Variants in B3GALT1 observed in about 807,000 individuals in gnomAD.
B3GALT1 encodes UDP-Gal:betaGlcNAc beta 1,3-galactosyltransferase, polypeptide 1.
B3GALT1 carries 10 observed loss-of-function variants against 23.2 expected under a neutral mutation model. The ratio of observed to expected loss-of-function variants is 0.43; its 90% CI spans 0.27 to 0.73. The LOEUF (loss-of-function observed/expected upper bound fraction) is 0.73. B3GALT1 is among the 30% of genes least tolerant of loss of function. B3GALT1 has a pLI of 0.21. For synonymous variants in B3GALT1, 156 were observed against 141.5 expected (o/e 1.10, Z -0.73); for missense variants, 299 against 405.4 (o/e 0.74, Z 2.25).
At chr2:167,854,094 T>C (rs192680129) in intron 4 of B3GALT1, among the ~76,000 whole-genome samples, 31 of 152,216 alleles carry the variant, frequency 2.0e-4, no homozygotes, top group African/African-American at 7.0e-4. Flanking sequence ...TGGTGGTTGA[T>C]ATTTCTCTTG....
intron 1 of B3GALT1, among the ~76,000 whole-genome samples, chr2:167,354,350 T>C (rs1286370813): frequency 1.8e-4 from 2 of 11,410 alleles, no homozygotes; most frequent in Admixed American, 3.2e-3. Flanking sequence ...AAATCTTCTT[T>C]TTTTTTTTTT....
chr2:167,804,119 A>G (rs1688697450), intron 3 of B3GALT1, among the ~76,000 whole-genome samples: 1 of 152,066 alleles, frequency 6.6e-6, no homozygotes, highest in South Asian at 2.1e-4. Context: ...ACTCCCAAGT[A>G]GCTGGGATTA....
intron 1 of B3GALT1, among the ~76,000 whole-genome samples, chr2:167,442,708 C>T (rs1435471808): frequency 6.8e-6 from 1 of 147,806 alleles, no homozygotes; most frequent in Non-Finnish European, 1.5e-5. Context: ...TGTCCTTCGC[C>T]CACTTTTTGA....
chr2:167,562,978 A>G (rs915295829), intron 2 of B3GALT1, among the ~76,000 whole-genome samples: 18 of 152,138 alleles, frequency 1.2e-4, no homozygotes, highest in Non-Finnish European at 2.4e-4. Context: ...AAGGTCACCG[A>G]TCAACAGGAT....
intron 2 of B3GALT1, among the ~76,000 whole-genome samples, chr2:167,502,893 G>A (rs1466604450): frequency 1.3e-5 from 2 of 152,006 alleles, no homozygotes; most frequent in Non-Finnish European, 2.9e-5. Flanking sequence ...ACAAAAATTA[G>A]CTGGGCATGG....
chr2:167,719,293 A>G (rs1311148461), intron 3 of B3GALT1, among the ~76,000 whole-genome samples: 1 of 152,188 alleles, frequency 6.6e-6, no homozygotes, highest in Non-Finnish European at 1.5e-5. Context: ...CTTTTAAATG[A>G]TATGTAAATA....
At chr2:167,494,196 T>A (rs2105344236) in intron 2 of B3GALT1, among the ~76,000 whole-genome samples, 1 of 152,218 alleles carries the variant, frequency 6.6e-6, no homozygotes, top group Non-Finnish European at 1.5e-5. Context: ...TTACAGCATT[T>A]TTAAAAAAGA....
intron 1 of B3GALT1, among the ~76,000 whole-genome samples, chr2:167,314,442 G>A (rs1393481816): frequency 6.6e-6 from 1 of 152,072 alleles, no homozygotes; most frequent in Non-Finnish European, 1.5e-5. Flanking sequence ...GCTCATATAT[G>A]TTTGCCAGCT....
Position 167,435,727 on chromosome 2 carries a change from G to A in B3GALT1, c.-510-54450G>A, listed in dbSNP as rs1333580128. Reference sequence around the variant, plus strand: ...TTAAATTTGTGTCTAATCTATCATCGTTAATTTTGAGTTTAGTTTCATTGT... The same window carrying A: ...TTAAATTTGTGTCTAATCTATCATCATTAATTTTGAGTTTAGTTTCATTGT... On this transcript the variant is annotated intron_variant, in intron 1 of 4. Coordinates refer to ENST00000392690, the MANE Select transcript of B3GALT1 (RefSeq NM_020981.4). Among the ~76,000 whole-genome samples, 5 of 151,952 alleles carry A rather than the reference G, an allele frequency of 3.3e-5. No individual in the cohort carries two copies. In the East Asian group the frequency reaches 9.6e-4, roughly 29 times the overall value.
intron 3 of B3GALT1, among the ~76,000 whole-genome samples, chr2:167,781,302 T>C (rs954142300): frequency 6.6e-6 from 1 of 152,190 alleles, no homozygotes; most frequent in Admixed American, 6.5e-5. Flanking sequence ...CAGCAAAGAA[T>C]GTTTTTAAAA....
Position 167,340,324 on chromosome 2 carries a change from A to C in B3GALT1, c.-511+46990A>C, listed in dbSNP as rs527692015. On this transcript the variant is annotated intron_variant, in intron 1 of 4. Coordinates refer to ENST00000392690, the MANE Select transcript of B3GALT1 (RefSeq NM_020981.4). ...CTGTGGTACAGGGAGAAAAAAAAAAAAAAAAAAAAAACAGAGCTTTTGGCA... is the reference window on the plus strand; with the variant it reads ...CTGTGGTACAGGGAGAAAAAAAAAACAAAAAAAAAAACAGAGCTTTTGGCA... Among the ~76,000 whole-genome samples the C allele has an allele frequency of 6.6e-5, 10 of 151,636 alleles. No individual in the cohort carries two copies. In the East Asian group the frequency reaches 1.7e-3, roughly 26 times the overall value.
chr2:167,349,169 A>G (rs1013142518), intron 1 of B3GALT1, among the ~76,000 whole-genome samples: 1 of 152,184 alleles, frequency 6.6e-6, no homozygotes, highest in Admixed American at 6.5e-5. Context: ...ATATTAGGTG[A>G]AAAATTCCAG....
chr2:167,525,789 T>C (rs901656374), intron 2 of B3GALT1, among the ~76,000 whole-genome samples: 10 of 151,240 alleles, frequency 6.6e-5, no homozygotes, highest in Non-Finnish European at 1.2e-4. Flanking sequence ...TTTTTTTTTT[T>C]ATTTTGTAGA....
chr2:167,529,394 A>G (rs6725601), intron 2 of B3GALT1, among the ~76,000 whole-genome samples: 19,540 of 151,546 alleles, frequency 0.13, 1,741 homozygotes, highest in African/African-American at 0.25. Flanking sequence ...CTTGCAGCCC[A>G]AACCTCTACA....
chr2:167,854,151 C>G (rs956091474), intron 4 of B3GALT1, among the ~76,000 whole-genome samples: 1 of 152,156 alleles, frequency 6.6e-6, no homozygotes, highest in Admixed American at 6.5e-5. Flanking sequence ...AAATTAAACT[C>G]TGTACCATAT....
chr2:167,497,099 G>A (rs1699792884), intron 2 of B3GALT1, among the ~76,000 whole-genome samples: 1 of 152,130 alleles, frequency 6.6e-6, no homozygotes, highest in South Asian at 2.1e-4. Context: ...TCTTTTAAAT[G>A]ATATTTTGTT....
intron 2 of B3GALT1, among the ~76,000 whole-genome samples, chr2:167,579,020 G>C (rs1427953202): frequency 6.6e-6 from 1 of 152,102 alleles, no homozygotes; most frequent in Non-Finnish European, 1.5e-5. Context: ...TGTGGTAATA[G>C]GGCGAAGCAC....
chr2:167,623,710 C>T (rs569305000), intron 2 of B3GALT1, among the ~76,000 whole-genome samples: 2 of 152,096 alleles, frequency 1.3e-5, no homozygotes, highest in African/African-American at 4.8e-5. Context: ...ATGTAACAAA[C>T]CTGCACGTTC....
intron 2 of B3GALT1, among the ~76,000 whole-genome samples, chr2:167,637,492 T>C (rs1685576852): frequency 6.6e-6 from 1 of 152,048 alleles, no homozygotes; most frequent in Non-Finnish European, 1.5e-5. Context: ...ACTTCTCATT[T>C]GTATGTGTTG....
Sources: gnomAD v4.1 joint callset for allele counts (sites outside exome capture counted in the v4.1 genomes callset) on GRCh38, gnomAD v4.1.1 for gene constraint, MANE v1.5 for transcripts, NCBI Gene and HGNC (gene_info 2026-07-23, HGNC 2026-07-21) for gene names.